The following PRKG1 variants were observed in gnomAD, a reference collection of about 807,000 sequenced individuals.
The protein encoded by PRKG1 is protein kinase cGMP-dependent 1.
In PRKG1, 35 loss-of-function variants were observed where a neutral mutation model predicts 88.1. That is an observed-to-expected ratio of 0.40 (90% CI 0.30 to 0.53). PRKG1 has a LOEUF of 0.53. PRKG1 is among the 20% of genes least tolerant of loss of function. The pLI, the probability that PRKG1 is intolerant of heterozygous loss-of-function variation, is 0.59. For missense variants in PRKG1, 540 were observed against 839.8 expected (o/e 0.64, Z 4.41); for synonymous variants, 303 against 292.5 (o/e 1.04, Z -0.37).
At chr10:51,421,891 C>T (rs293322) in intron 2 of PRKG1, among the ~76,000 whole-genome samples, 1 of 152,040 alleles carries the variant, frequency 6.6e-6, no homozygotes, top group Non-Finnish European at 1.5e-5. Flanking sequence ...TGATACTGAA[C>T]AAGTCACTTA....
At chr10:51,214,455 G>T (rs1447957308) in intron 2 of PRKG1, among the ~76,000 whole-genome samples, 1 of 152,038 alleles carries the variant, frequency 6.6e-6, no homozygotes, top group Non-Finnish European at 1.5e-5. Flanking sequence ...AATCAGTCAG[G>T]ATGGACCAAG....
intron 3 of PRKG1, among the ~76,000 whole-genome samples, chr10:51,494,900 A>C (rs1489428556): frequency 6.6e-6 from 1 of 152,132 alleles, no homozygotes; most frequent in Non-Finnish European, 1.5e-5. Flanking sequence ...TAAGCACATT[A>C]TGGTTTGCTA....
At chr10:51,861,885 T>C (rs1200225561) in intron 4 of PRKG1, among the ~76,000 whole-genome samples, 1 of 152,180 alleles carries the variant, frequency 6.6e-6, no homozygotes, top group Admixed American at 6.5e-5. Flanking sequence ...GCTGGACTCG[T>C]TCAACCCACT....
chr10:51,369,152 T>G (rs1842649535), intron 2 of PRKG1, among the ~76,000 whole-genome samples: 1 of 151,994 alleles, frequency 6.6e-6, no homozygotes, highest in Non-Finnish European at 1.5e-5. Flanking sequence ...GCTCATAATC[T>G]TTTTTTTCAT....
chr10:51,089,362 T>A (rs1243071289), intron 1 of PRKG1, among the ~76,000 whole-genome samples: 1 of 152,200 alleles, frequency 6.6e-6, no homozygotes, highest in Non-Finnish European at 1.5e-5. Flanking sequence ...CCAGAACACG[T>A]ACTAAGAAAA....
intron 3 of PRKG1, among the ~76,000 whole-genome samples, chr10:51,580,520 T>G (rs1217411753): frequency 6.6e-6 from 1 of 152,132 alleles, no homozygotes; most frequent in Non-Finnish European, 1.5e-5. Context: ...TTAAAATATT[T>G]TAAAAACATT....
At chr10:51,260,644 G>T (rs1190085480) in intron 2 of PRKG1, among the ~76,000 whole-genome samples, 1 of 152,186 alleles carries the variant, frequency 6.6e-6, no homozygotes, top group Non-Finnish European at 1.5e-5. Context: ...TCTGCAGGGA[G>T]TGCTACTTTC....
At chr10:51,881,959 G>A (rs991184088) in intron 4 of PRKG1, among the ~76,000 whole-genome samples, 2 of 152,082 alleles carry the variant, frequency 1.3e-5, no homozygotes, top group African/African-American at 4.8e-5. Flanking sequence ...CCATGCTGCT[G>A]CATGACCATT....
At chr10:52,293,418 G>C (rs1589765859) in intron 17 of PRKG1, among the ~76,000 whole-genome samples, 1 of 151,798 alleles carries the variant, frequency 6.6e-6, no homozygotes, top group African/African-American at 2.4e-5. Context: ...CTACTTTAAA[G>C]TTCATATGGA....
intron 9 of PRKG1, among the ~76,000 whole-genome samples, chr10:52,233,673 A>C (rs1840591049): frequency 7.1e-6 from 1 of 139,974 alleles, no homozygotes. Context: ...ATGCCCACGG[A>C]ATCTCGCTGA....
chr10:51,485,804 A>G (rs906113535), intron 3 of PRKG1, among the ~76,000 whole-genome samples: 17 of 152,138 alleles, frequency 1.1e-4, no homozygotes, highest in African/African-American at 2.9e-4. Flanking sequence ...TACATTCAGG[A>G]ATTCTTATTA....
rs187912075 is a variant in PRKG1 at position 51,946,422 on chromosome 10, G to A, written c.762+38852G>A. Among the ~76,000 whole-genome samples, 32 of 152,084 alleles carry A rather than the reference G, an allele frequency of 2.1e-4. 1 individual carries two copies. The highest frequency in any genetic ancestry group is 4.6e-4 in the African/African-American group (19 of 41,402). ...TGGTTTGAATTTCCTCCTGTAGCTC[G>A]GAGTAGTTTGATCGCCTGAAGCCTT... On this transcript the variant is annotated intron_variant, in intron 5 of 17. Coordinates refer to ENST00000373980, the MANE Select transcript of PRKG1 (RefSeq NM_006258.4).
chr10:51,216,478 T>G (rs1838373936), intron 2 of PRKG1, among the ~76,000 whole-genome samples: 1 of 152,190 alleles, frequency 6.6e-6, no homozygotes, highest in Non-Finnish European at 1.5e-5. Flanking sequence ...AACAAGTTAC[T>G]TAACTTCTCT....
At chr10:51,762,606 CT>C (rs575484517) in intron 3 of PRKG1, among the ~76,000 whole-genome samples, 2 of 152,076 alleles carry the variant, frequency 1.3e-5, no homozygotes, top group Admixed American at 6.5e-5. Flanking sequence ...ATAACAATGA[CT>C]TTTTTTTACC....
At chr10:51,975,573 G>A (rs1268670905) in intron 5 of PRKG1, among the ~76,000 whole-genome samples, 2 of 151,982 alleles carry the variant, frequency 1.3e-5, no homozygotes, top group African/African-American at 4.8e-5. Flanking sequence ...GCCATACATA[G>A]CTAGGTGTGT....
chr10:51,419,972 T>G (rs1838362851), intron 2 of PRKG1, among the ~76,000 whole-genome samples: 1 of 152,100 alleles, frequency 6.6e-6, no homozygotes, highest in South Asian at 2.1e-4. Flanking sequence ...AGAACAAAAC[T>G]GTTACAAAAC....
intron 9 of PRKG1, among the ~76,000 whole-genome samples, chr10:52,192,928 T>C (rs935234129): frequency 6.6e-6 from 1 of 152,124 alleles, no homozygotes; most frequent in African/African-American, 2.4e-5. Flanking sequence ...CTTTACAATA[T>C]CCATGTCACT....
intron 3 of PRKG1, among the ~76,000 whole-genome samples, chr10:51,681,588 A>G (rs1278800475): frequency 6.6e-6 from 1 of 152,174 alleles, no homozygotes; most frequent in Non-Finnish European, 1.5e-5. Flanking sequence ...GATGTAACTC[A>G]GAATGTGGTA....
intron 2 of PRKG1, among the ~76,000 whole-genome samples, chr10:51,435,716 A>G (rs1838908501): frequency 6.6e-6 from 1 of 151,936 alleles, no homozygotes. Flanking sequence ...TAGTGTGGTG[A>G]GCAAGTTAAA....
Sources: gnomAD v4.1 joint callset for allele counts (sites outside exome capture counted in the v4.1 genomes callset) on GRCh38, gnomAD v4.1.1 for gene constraint, MANE v1.5 for transcripts, NCBI Gene and HGNC (gene_info 2026-07-23, HGNC 2026-07-21) for gene names.